Variants in ADAM12 observed in about 807,000 individuals in gnomAD.
ADAM12 encodes the protein ADAM metallopeptidase domain 12.
A neutral mutation model predicts 106.4 loss-of-function variants in ADAM12; 70 were observed. The ratio of observed to expected loss-of-function variants is 0.66; its 90% CI spans 0.54 to 0.80. The LOEUF is 0.80. Ranked by LOEUF, ADAM12 falls within the 30% of genes least tolerant of loss-of-function variation. The pLI is 0.00. For missense variants in ADAM12, 1,010 were observed against 1,171.9 expected (o/e 0.86, Z 2.02); for synonymous variants, 420 against 433.5 (o/e 0.97, Z 0.39).
intron 2 of ADAM12, among the ~76,000 whole-genome samples, chr10:126,318,242 ACT>A (rs920513786): frequency 2.0e-5 from 3 of 151,556 alleles, no homozygotes; most frequent in African/African-American, 4.9e-5. Flanking sequence ...TCTCACACAC[ACT>A]CTCACACATT....
chr10:126,335,736 C>G lies in ADAM12; in HGVS notation c.89-5227G>C, dbSNP rs78593671. 8.2e-3 allele frequency among the ~76,000 whole-genome samples: 1,252 copies of G among 152,178 alleles called. 23 individuals carry two copies. The highest frequency in any genetic ancestry group is 0.029 in the African/African-American group (1,193 of 41,492). ...GCAAAAGTTAAGCTGAAAAAAGTAA[C>G]TTTATAATAGAGAAACCTGACAAAC... On this transcript the variant is annotated intron_variant, in intron 1 of 22. Transcript: ENST00000448723.
chr10:126,345,114 G>A (rs1855086580), intron 1 of ADAM12, among the ~76,000 whole-genome samples: 1 of 152,150 alleles, frequency 6.6e-6, no homozygotes, highest in African/African-American at 2.4e-5. Flanking sequence ...TTTTGAAAGG[G>A]AATGCTTCCA....
chr10:126,359,936 C>G (rs1205215724), intron 1 of ADAM12, among the ~76,000 whole-genome samples: 1 of 152,230 alleles, frequency 6.6e-6, no homozygotes, highest in African/African-American at 2.4e-5. Flanking sequence ...TTCCATACAT[C>G]CTCTGAAATC....
chr10:126,043,051 A>G lies in ADAM12; in HGVS notation c.2093T>C (p.Ile698Thr). ...GFGGSTDSGP[I>T]RQADNQGLTI... is the part of the protein sequence containing the mutation. ...GGGGCTTCACTGACCTGCTTGCCGG[A>G]TGGGGCCGCTGTCTGTGCTTCCTCC... is the stretch of plus-strand genomic sequence containing the variant. Residue 698 changes from isoleucine (I) to threonine (T), a missense_variant, in exon 18 of 23, where the codon ATC becomes ACC. Physicochemically the swap from Ile to Thr is moderately conservative, Grantham distance 89. Coordinates refer to ENST00000448723, the MANE Select transcript of ADAM12 (RefSeq NM_001288973.2). The surrounding 1 kb of genome is among the most constrained non-coding windows in gnomAD (Gnocchi z 4.1). The G allele has an allele frequency of 1.2e-6, 2 of 1,614,050 alleles. No homozygotes were observed. Among genetic ancestry groups the G allele is most frequent in the Non-Finnish European group, 1.7e-6 (2 of 1,179,980 alleles).
At chr10:126,117,996 C>T in intron 6 of ADAM12, 42 bp downstream of exon 6, 5 of 1,601,060 alleles carry the variant, frequency 3.1e-6, no homozygotes, top group South Asian at 1.1e-5. Context: ...GTAGCTTGAG[C>T]TCCTAGCTTT....
At chr10:126,365,977 A>G (rs1377296990) in intron 1 of ADAM12, among the ~76,000 whole-genome samples, 1 of 152,234 alleles carries the variant, frequency 6.6e-6, no homozygotes, top group Non-Finnish European at 1.5e-5. Flanking sequence ...AGTAATCAAG[A>G]AGGTACAGAA....
At chr10:126,121,217 T>G (rs1406789385) in intron 5 of ADAM12, among the ~76,000 whole-genome samples, 1 of 103,552 alleles carries the variant, frequency 9.7e-6, no homozygotes, top group Non-Finnish European at 1.7e-5. Context: ...ACTATATATA[T>G]TATATACTAT....
chr10:126,368,083 G>A (rs963318512), intron 1 of ADAM12, among the ~76,000 whole-genome samples: 1 of 151,904 alleles, frequency 6.6e-6, no homozygotes, highest in African/African-American at 2.4e-5. Context: ...ATGTGTATGT[G>A]TGTATATATA....
intron 3 of ADAM12, among the ~76,000 whole-genome samples, chr10:126,242,032 TC>T (rs1393682239): frequency 6.6e-5 from 10 of 152,210 alleles, no homozygotes; most frequent in African/African-American, 9.6e-5. Context: ...AGACTGATTT[TC>T]CCCCCATTAT....
intron 2 of ADAM12, among the ~76,000 whole-genome samples, chr10:126,314,168 A>G (rs1258217535): frequency 1.3e-5 from 2 of 152,178 alleles, no homozygotes; most frequent in African/African-American, 2.4e-5. Context: ...TGGCAGGAGT[A>G]GCGTGGTCTG....
At position 126,153,233 on chromosome 10, in the gene ADAM12, C is replaced by G. The variant is rs17154341; in HGVS notation, c.339+1994G>C. Among the ~76,000 whole-genome samples, 3,433 of 152,260 alleles carry G rather than the reference C, an allele frequency of 0.023. 239 individuals are homozygous for G. The East Asian group carries it at 0.23, about 10-fold the overall frequency. ...CTGACAATAATTTTCCCTTAGCTCT[C>G]AAGTTTTAATTGCATAGTTACTAAT... On this transcript the variant is annotated intron_variant, in intron 4 of 22. Coordinates refer to ENST00000448723, the MANE Select transcript of ADAM12 (RefSeq NM_001288973.2).
intron 2 of ADAM12, among the ~76,000 whole-genome samples, chr10:126,299,529 C>A (rs1960525909): frequency 6.6e-6 from 1 of 152,246 alleles, no homozygotes; most frequent in African/African-American, 2.4e-5. Flanking sequence ...TATTTCCTTG[C>A]CAGGAATTTT....
At chr10:126,133,644 A>C (rs2133672438) in intron 5 of ADAM12, among the ~76,000 whole-genome samples, 2 of 151,628 alleles carry the variant, frequency 1.3e-5, no homozygotes, top group African/African-American at 2.4e-5. Flanking sequence ...GCTCCCTGGC[A>C]CCCATCACTG....
chr10:126,225,178 C>G (rs1256323924), intron 3 of ADAM12, among the ~76,000 whole-genome samples: 2 of 152,242 alleles, frequency 1.3e-5, no homozygotes, highest in Non-Finnish European at 2.9e-5. Context: ...GTACCACATA[C>G]ACCTCTGCCC....
At chr10:126,277,451 C>T (rs898034460) in intron 3 of ADAM12, among the ~76,000 whole-genome samples, 7 of 152,110 alleles carry the variant, frequency 4.6e-5, no homozygotes, top group East Asian at 1.9e-4. Flanking sequence ...ACAACCCCAT[C>T]GAGAAAATGC....
intron 3 of ADAM12, among the ~76,000 whole-genome samples, chr10:126,252,119 TGGATGGATGGATGGACA>T (rs1958794161): frequency 3.1e-5 from 1 of 31,886 alleles, no homozygotes; most frequent in African/African-American, 1.3e-4. Flanking sequence ...ATGGATGGGA[TGGATGGATGGATGGACA>T]GGATGGATGG....
At chr10:126,355,892 GATGGTC>G (rs1442101207) in intron 1 of ADAM12, among the ~76,000 whole-genome samples, 1 of 152,218 alleles carries the variant, frequency 6.6e-6, no homozygotes, top group Non-Finnish European at 1.5e-5. Context: ...GCAAAGCCAA[GATGGTC>G]ACTCCCAAGT....
intron 3 of ADAM12, among the ~76,000 whole-genome samples, chr10:126,224,741 T>C (rs1302647124): frequency 6.6e-6 from 1 of 152,228 alleles, no homozygotes; most frequent in Non-Finnish European, 1.5e-5. Flanking sequence ...AGAGCCACTG[T>C]CACGATGTCA....
intron 20 of ADAM12, among the ~76,000 whole-genome samples, chr10:126,038,030 A>T (rs1271534117): frequency 6.6e-6 from 1 of 152,148 alleles, no homozygotes; most frequent in African/African-American, 2.4e-5. Context: ...TGAGTGCGCC[A>T]ACAGGATCTA....
Sources: allele counts gnomAD v4.1 joint callset (sites outside exome capture counted in the v4.1 genomes callset), GRCh38; gene constraint gnomAD v4.1.1; non-coding constraint Gnocchi (gnomAD v3.1); transcripts MANE v1.5; gene names NCBI Gene and HGNC (gene_info 2026-07-23, HGNC 2026-07-21).